Variants in SBF2 observed in about 807,000 individuals in gnomAD.
The protein encoded by SBF2 is SET binding factor 2.
In SBF2, 112 loss-of-function variants were observed where a neutral mutation model predicts 225.2. That is an observed-to-expected ratio of 0.50 (90% confidence interval 0.43 to 0.58). The LOEUF (loss-of-function observed/expected upper bound fraction) is 0.58. Among genes scored for constraint, SBF2 ranks in the 20% least tolerant of loss-of-function variants. The pLI is 0.00. For synonymous variants in SBF2, 763 were observed against 773.3 expected (o/e 0.99, Z 0.22); for missense variants, 1,996 against 2,206.2 (o/e 0.90, Z 1.91).
chr11:10,264,919 T>C (rs187637170), intron 1 of SBF2, among the ~76,000 whole-genome samples: 7 of 152,306 alleles, frequency 4.6e-5, no homozygotes, highest in African/African-American at 1.7e-4. Flanking sequence ...ACCCAACCTT[T>C]TTTAAGGCTG....
intron 30 of SBF2, among the ~76,000 whole-genome samples, chr11:9,809,463 C>T (rs570844431): frequency 2.3e-4 from 35 of 151,994 alleles, no homozygotes; most frequent in Non-Finnish European, 4.1e-4. Context: ...TGTGGACTTC[C>T]CAACAAAAGA....
chr11:9,992,154 C>T (rs1947467779), intron 12 of SBF2, among the ~76,000 whole-genome samples: 1 of 151,984 alleles, frequency 6.6e-6, no homozygotes, highest in African/African-American at 2.4e-5. Flanking sequence ...GCACTCATCA[C>T]CTGAGTAGTA....
At position 10,193,882 on chromosome 11, in the gene SBF2, A is replaced by G; in HGVS notation, c.141+20T>C. The G allele has an allele frequency of 2.0e-6, 3 of 1,511,062 alleles. No individual in the cohort carries two copies. Among genetic ancestry groups the G allele is most frequent in the East Asian group, 2.3e-5 (1 of 44,358 alleles). 93.6% of individuals were successfully genotyped at this position (1,511,062 alleles called of 1,614,324 possible). A position where few individuals can be genotyped will look rare whatever the true frequency, so the allele number is the denominator to read the frequency against. On this transcript the variant is annotated intron_variant, in intron 2 of 39. Coordinates refer to ENST00000256190, the MANE Select transcript of SBF2 (RefSeq NM_030962.4). ...AGAAAAGTAACATTATAAATATGCA[A>G]TAATACAACAACCACTTACCAACTC...
At chr11:9,940,814 G>T (rs1865209021) in intron 16 of SBF2, among the ~76,000 whole-genome samples, 1 of 151,986 alleles carries the variant, frequency 6.6e-6, no homozygotes, top group South Asian at 2.1e-4. Context: ...AAACTTAGAT[G>T]AATGGAAATA....
chr11:10,098,780 A>G (rs569400135), intron 2 of SBF2, among the ~76,000 whole-genome samples: 1 of 151,980 alleles, frequency 6.6e-6, no homozygotes, highest in Admixed American at 6.6e-5. Context: ...CAACTTCAAT[A>G]TCAGACTTGA....
chr11:10,029,683 T>A, intron 5 of SBF2, 82 bp downstream of exon 5: 1 of 967,482 alleles, frequency 1.0e-6, no homozygotes, highest in Non-Finnish European at 1.7e-6. Flanking sequence ...ATTATTTCTT[T>A]CCCTTTCTCC....
intron 16 of SBF2, chr11:9,929,273 A>C: frequency 5.7e-6 from 1 of 176,156 alleles, no homozygotes. Flanking sequence ...AAAAACAAAA[A>C]ACAAAAAAAA....
chr11:9,852,440 T>G (rs1466959018), intron 21 of SBF2, among the ~76,000 whole-genome samples: 4 of 152,226 alleles, frequency 2.6e-5, no homozygotes, highest in African/African-American at 9.6e-5. Context: ...AAAAGTAGAC[T>G]CAATGAGAGG....
intron 2 of SBF2, among the ~76,000 whole-genome samples, chr11:10,118,304 T>C (rs917985447): frequency 1.3e-5 from 2 of 152,202 alleles, no homozygotes; most frequent in Non-Finnish European, 2.9e-5. Flanking sequence ...TCTTTTTGCA[T>C]TCCAGATTAC....
At chr11:10,255,394 A>C (rs1252042414) in intron 1 of SBF2, among the ~76,000 whole-genome samples, 2 of 152,256 alleles carry the variant, frequency 1.3e-5, no homozygotes, top group Non-Finnish European at 2.9e-5. Flanking sequence ...AAACAAAAGA[A>C]AAACAAATCT....
intron 1 of SBF2, among the ~76,000 whole-genome samples, chr11:10,196,866 A>ATATATATATATATATTTTTTTTT: frequency 1.8e-4 from 18 of 99,282 alleles, no homozygotes; most frequent in African/African-American, 5.2e-4. Flanking sequence ...ATATATATAT[A>ATATATATATATATATTTTTTTTT]TTTTTTTTTT....
chr11:10,005,766 C>A (rs972940848), intron 6 of SBF2, among the ~76,000 whole-genome samples: 1 of 152,128 alleles, frequency 6.6e-6, no homozygotes, highest in Non-Finnish European at 1.5e-5. Flanking sequence ...CATCTCTATG[C>A]CTCAACTTCT....
intron 2 of SBF2, among the ~76,000 whole-genome samples, chr11:10,065,276 G>T (rs1375442279): frequency 6.6e-6 from 1 of 152,070 alleles, no homozygotes; most frequent in Non-Finnish European, 1.5e-5. Context: ...TAGTATGTAA[G>T]GGGAAATTTA....
intron 2 of SBF2, among the ~76,000 whole-genome samples, chr11:10,140,913 T>G (rs908013213): frequency 2.0e-5 from 3 of 152,108 alleles, no homozygotes; most frequent in Non-Finnish European, 4.4e-5. Flanking sequence ...ATTTTAAGTA[T>G]AGGAAAACAG....
intron 16 of SBF2, among the ~76,000 whole-genome samples, chr11:9,917,285 T>C (rs989842692): frequency 6.6e-6 from 1 of 151,806 alleles, no homozygotes; most frequent in Admixed American, 6.6e-5. Flanking sequence ...TTTCCTTCCT[T>C]GGCCTCTGTG....
At chr11:9,853,091 A>C (rs756965834) in intron 20 of SBF2, among the ~76,000 whole-genome samples, 9 of 152,238 alleles carry the variant, frequency 5.9e-5, no homozygotes, top group Non-Finnish European at 1.0e-4. Flanking sequence ...TGAAATTCTG[A>C]TACATGCCAC....
At chr11:9,941,812 G>A (rs1302513933) in intron 16 of SBF2, among the ~76,000 whole-genome samples, 6 of 151,914 alleles carry the variant, frequency 3.9e-5, no homozygotes, top group African/African-American at 1.5e-4. Flanking sequence ...TATATATAAC[G>A]TTTAGAAAGT....
In SBF2 at chr11:9,812,527, A is replaced by G; in HGVS notation, c.4155+5T>C. ...TATAAAGAAAGAAGCTGCTTCAGAC[A>G]TTACCTGTGGGAACCACTCAGAATC... On this transcript the variant is annotated splice_donor_5th_base_variant and intron_variant, in intron 30 of 39. Coordinates refer to ENST00000256190, the MANE Select transcript of SBF2 (RefSeq NM_030962.4). 1 of 1,614,136 alleles carries G rather than the reference A, an allele frequency of 6.2e-7. No individual in the cohort carries two copies. The highest frequency in any genetic ancestry group is 8.5e-7 in the Non-Finnish European group (1 of 1,180,000).
chr11:10,108,964 G>A (rs1952708552), intron 2 of SBF2, among the ~76,000 whole-genome samples: 1 of 152,138 alleles, frequency 6.6e-6, no homozygotes, highest in Admixed American at 6.5e-5. Context: ...ACATGGTGCA[G>A]ACTAAAGGAG....
Sources: allele counts gnomAD v4.1 joint callset (sites outside exome capture counted in the v4.1 genomes callset), GRCh38; gene constraint gnomAD v4.1.1; transcripts MANE v1.5; gene names NCBI Gene and HGNC (gene_info 2026-07-23, HGNC 2026-07-21).